Variants in ZFR observed in about 807,000 individuals in gnomAD.
ZFR encodes zinc finger RNA binding protein, also known as zinc finger RNA-binding protein.
ZFR carries 19 observed loss-of-function variants against 130.7 expected under a neutral mutation model. That is an observed-to-expected ratio of 0.15 (90% CI 0.10 to 0.21). The LOEUF is 0.21. Among genes scored for constraint, ZFR ranks in the 10% least tolerant of loss-of-function variants. The pLI, the probability that ZFR is intolerant of heterozygous loss-of-function variation, is 1.00. For synonymous variants in ZFR, 466 were observed against 456.9 expected, an observed-to-expected ratio of 1.02 and a Z score of -0.25; for missense variants, 872 against 1,321.5, an observed-to-expected ratio of 0.66 and a Z score of 5.27.
chr5:32,431,228 G>T (rs955093858), intron 2 of ZFR, among the ~76,000 whole-genome samples: 1 of 152,290 alleles, frequency 6.6e-6, no homozygotes, highest in Middle Eastern at 3.4e-3. Context: ...AATAATCATT[G>T]ACCATATAAA....
At chr5:32,370,255 C>A (rs776450388) in intron 17 of ZFR, among the ~76,000 whole-genome samples, 3 of 151,374 alleles carry the variant, frequency 2.0e-5, no homozygotes, top group Non-Finnish European at 4.4e-5. Context: ...CTGAAATACT[C>A]ATCATAGGAC....
chr5:32,383,930 CTCA>C (rs1015219856), intron 15 of ZFR: 15 of 353,244 alleles, frequency 4.2e-5, no homozygotes, highest in Middle Eastern at 6.5e-4. Flanking sequence ...GACCATTTTC[CTCA>C]TCATAATATT....
At chr5:32,376,535 G>A (rs1169010935) in intron 17 of ZFR, among the ~76,000 whole-genome samples, 2 of 151,334 alleles carry the variant, frequency 1.3e-5, no homozygotes, top group East Asian at 3.9e-4. Context: ...AGTGTGTAGT[G>A]AGCTGAGATA....
At chr5:32,408,114 G>A (rs1466921319) in intron 5 of ZFR, among the ~76,000 whole-genome samples, 1 of 151,950 alleles carries the variant, frequency 6.6e-6, no homozygotes, top group Non-Finnish European at 1.5e-5. Context: ...CACTACCTAT[G>A]TGCAAGTAGA....
At chr5:32,382,678 C>G (rs150997946) in intron 15 of ZFR, among the ~76,000 whole-genome samples, 1 of 151,972 alleles carries the variant, frequency 6.6e-6, no homozygotes, top group Admixed American at 6.5e-5. Flanking sequence ...GGCATGATCT[C>G]GGCTCACTGC....
intron 5 of ZFR, among the ~76,000 whole-genome samples, chr5:32,413,546 A>C (rs1753756667): frequency 6.6e-6 from 1 of 152,024 alleles, no homozygotes; most frequent in Admixed American, 6.6e-5. Flanking sequence ...CATGTAAATA[A>C]AAATTATCTT....
At chr5:32,426,378 T>G (rs2111839221) in intron 2 of ZFR, among the ~76,000 whole-genome samples, 1 of 152,066 alleles carries the variant, frequency 6.6e-6, no homozygotes, top group African/African-American at 2.4e-5. Context: ...GTCAACATCC[T>G]TTTATGATTA....
chr5:32,408,084 C>T (rs1753616514), intron 5 of ZFR, among the ~76,000 whole-genome samples: 1 of 152,032 alleles, frequency 6.6e-6, no homozygotes, highest in Non-Finnish European at 1.5e-5. Context: ...TATAACTAAA[C>T]TTGCCTTTTA....
chr5:32,411,307 A>G (rs1581703791), intron 5 of ZFR, among the ~76,000 whole-genome samples: 1 of 152,352 alleles, frequency 6.6e-6, no homozygotes, highest in African/African-American at 2.4e-5. Context: ...TGTGAGCCTC[A>G]AAGAGAGAAA....
intron 2 of ZFR, among the ~76,000 whole-genome samples, chr5:32,424,053 C>A (rs1754013669): frequency 6.6e-6 from 1 of 152,078 alleles, no homozygotes; most frequent in African/African-American, 2.4e-5. Flanking sequence ...ACCAAGAAAA[C>A]ATGGGATCCT....
chr5:32,398,390 C>G (rs886482793), intron 9 of ZFR, among the ~76,000 whole-genome samples: 14 of 152,126 alleles, frequency 9.2e-5, no homozygotes, highest in Non-Finnish European at 1.9e-4. Flanking sequence ...TCTAACTGAA[C>G]AGTTATAGGA....
intron 17 of ZFR, chr5:32,364,489 T>G (rs113031033): frequency 4.0e-6 from 1 of 248,996 alleles, no homozygotes; most frequent in African/African-American, 2.3e-5. Flanking sequence ...TCCAAACACT[T>G]TGGGAGGCAG....
intron 15 of ZFR, among the ~76,000 whole-genome samples, chr5:32,381,085 C>T (rs1247714512): frequency 4.6e-5 from 7 of 151,876 alleles, no homozygotes. Flanking sequence ...AAACAATAGG[C>T]AAGCAGAACA....
rs1025197054 is a variant in ZFR at position 32,378,969 on chromosome 5, A to T, written c.2835+146T>A. 5.4e-6 allele frequency: 3 copies of T among 559,904 alleles called. No individual in the cohort carries two copies. The East Asian group carries it at 9.2e-5, about 17-fold the overall frequency. 34.7% of individuals were successfully genotyped at this position (559,904 alleles called of 1,614,324 possible). On this transcript the variant is annotated intron_variant, in intron 17 of 19. Transcript: ENST00000265069. ...ACATCTGAGAAAATTAAACATTCTA[A>T]GACTCCCCCAGGATTTTTCATCAGA...
intron 9 of ZFR, among the ~76,000 whole-genome samples, chr5:32,397,952 G>A (rs1753357373): frequency 7.2e-6 from 1 of 138,550 alleles, no homozygotes; most frequent in Admixed American, 8.3e-5. Context: ...CCGCCTCCTG[G>A]GTTCACACCA....
intron 4 of ZFR, 101 bp downstream of exon 4, chr5:32,417,547 G>A: frequency 6.9e-7 from 1 of 1,443,332 alleles, no homozygotes; most frequent in Non-Finnish European, 9.5e-7. Flanking sequence ...AAGATGATGT[G>A]ATATGAGTTT....
intron 2 of ZFR, among the ~76,000 whole-genome samples, chr5:32,426,933 A>G (rs1754087985): frequency 1.3e-5 from 2 of 151,218 alleles, no homozygotes; most frequent in Non-Finnish European, 3.0e-5. Flanking sequence ...CCTAATTGAA[A>G]AAGATCAAGC....
intron 17 of ZFR, among the ~76,000 whole-genome samples, chr5:32,370,176 C>T (rs1448145203): frequency 6.6e-6 from 1 of 151,176 alleles, no homozygotes; most frequent in East Asian, 1.9e-4. Context: ...ATCCTCTTGC[C>T]TCAGTCTCTT....
In ZFR at chr5:32,403,029, G is replaced by A. The variant is rs1306754201; in HGVS notation, c.1516+77C>T. The A allele has an allele frequency of 2.1e-6, 3 of 1,447,716 alleles. No homozygotes were observed. In the Admixed American group the frequency reaches 5.6e-5, roughly 27 times the overall value. The allele number at this position is 1,447,716 out of a possible 1,614,324, so 89.7% of individuals were successfully genotyped here. On this transcript the variant is annotated intron_variant, in intron 8 of 19. Transcript: ENST00000265069. ...GAGGAGGCAGGTCCAAGAACACAGGGAGAAGGGTTAGTGCTGCAATGGAGA... is the reference window on the plus strand; with the variant it reads ...GAGGAGGCAGGTCCAAGAACACAGGAAGAAGGGTTAGTGCTGCAATGGAGA...
Sources: gnomAD v4.1 joint callset for allele counts (sites outside exome capture counted in the v4.1 genomes callset) on GRCh38, gnomAD v4.1.1 for gene constraint, MANE v1.5 for transcripts, NCBI Gene and HGNC (gene_info 2026-07-23, HGNC 2026-07-21) for gene names.